The following CLASP1 variants were observed in gnomAD, a reference collection of about 807,000 sequenced individuals.
CLASP1 encodes cytoplasmic linker associated protein 1.
A neutral mutation model predicts 192.3 loss-of-function variants in CLASP1; 38 were observed. The ratio of observed to expected loss-of-function variants is 0.20; its 90% confidence interval spans 0.15 to 0.26. The LOEUF is 0.26. Ranked by LOEUF, CLASP1 falls within the 10% of genes least tolerant of loss-of-function variation. The probability of loss-of-function intolerance (pLI) is 1.00; values close to 1 mark genes in which losing one functional copy is unlikely to be tolerated. For synonymous variants in CLASP1, 691 were observed against 712.8 expected, an observed-to-expected ratio of 0.97 and a Z score of 0.49; for missense variants, 1,433 against 1,932.5, an observed-to-expected ratio of 0.74 and a Z score of 4.85.
chr2:121,355,149 A>ATTATT (rs1368358282), intron 37 of CLASP1, among the ~76,000 whole-genome samples: 2 of 152,056 alleles, frequency 1.3e-5, no homozygotes, highest in South Asian at 2.1e-4. Flanking sequence ...AAATGTATCT[A>ATTATT]TTATTTTATT....
At chr2:121,608,677 G>A (rs1018941613) in intron 1 of CLASP1, among the ~76,000 whole-genome samples, 1 of 152,084 alleles carries the variant, frequency 6.6e-6, no homozygotes. Context: ...CCAAACCACA[G>A]AATTATGAGA....
chr2:121,498,197 G>GTTTTTTTTTT (rs2093609608), intron 8 of CLASP1, among the ~76,000 whole-genome samples: 1 of 114,588 alleles, frequency 8.7e-6, no homozygotes, highest in South Asian at 2.9e-4. Context: ...ATAGGTAATA[G>GTTTTTTTTTT]TTTCTTTTTT....
chr2:121,628,040 C>T (rs1027654847), intron 1 of CLASP1, among the ~76,000 whole-genome samples: 2 of 152,182 alleles, frequency 1.3e-5, no homozygotes, highest in Admixed American at 1.3e-4. Context: ...CACTTTAAGT[C>T]TGTACTTTAC....
chr2:121,418,932 G>A (rs903056780), intron 22 of CLASP1, among the ~76,000 whole-genome samples: 3 of 152,104 alleles, frequency 2.0e-5, no homozygotes, highest in Non-Finnish European at 4.4e-5. Flanking sequence ...ATGTGATTAT[G>A]CTCAATACCT....
At chr2:121,440,321 G>C (rs138618653) in intron 19 of CLASP1, among the ~76,000 whole-genome samples, 1,765 of 152,166 alleles carry the variant, frequency 0.012, 36 homozygotes, top group African/African-American at 0.039. Context: ...TATTGATTTG[G>C]CAATATTACT....
intron 2 of CLASP1, chr2:121,531,136 C>T (rs372129516): frequency 3.6e-5 from 22 of 618,148 alleles, no homozygotes; most frequent in Middle Eastern, 4.3e-4. Context: ...AAAGTTCTTT[C>T]AGTTTTTGCG....
At chr2:121,588,615 G>A (rs962561577) in intron 2 of CLASP1, among the ~76,000 whole-genome samples, 37 of 152,168 alleles carry the variant, frequency 2.4e-4, no homozygotes, top group African/African-American at 8.4e-4. Context: ...CATGAAGTAT[G>A]CAGTAGTCTC....
chr2:121,453,883 C>T (rs140797795), intron 14 of CLASP1, among the ~76,000 whole-genome samples: 1 of 152,332 alleles, frequency 6.6e-6, no homozygotes, highest in African/African-American at 2.4e-5. Context: ...CTTGCTTACA[C>T]TGCTCTCTTA....
intron 14 of CLASP1, among the ~76,000 whole-genome samples, chr2:121,453,729 C>T (rs188021686): frequency 1.4e-4 from 21 of 152,352 alleles, no homozygotes; most frequent in Middle Eastern, 6.8e-3. Context: ...GGGAAAACAT[C>T]AGCAAGCTTT....
At chr2:121,530,583 G>C (rs1367988907) in intron 2 of CLASP1, 1 of 532,848 alleles carries the variant, frequency 1.9e-6, no homozygotes, top group African/African-American at 1.9e-5. Flanking sequence ...ACCCGGGTTA[G>C]CTGCGGGTGG....
chr2:121,455,446 T>C (rs1281682930), intron 14 of CLASP1, among the ~76,000 whole-genome samples: 1 of 152,202 alleles, frequency 6.6e-6, no homozygotes, highest in Non-Finnish European at 1.5e-5. Context: ...GTAGCATATA[T>C]ATACAACAGA....
chr2:121,456,861 C>T (rs2086774343), intron 14 of CLASP1, among the ~76,000 whole-genome samples: 1 of 152,078 alleles, frequency 6.6e-6, no homozygotes, highest in Non-Finnish European at 1.5e-5. Context: ...CAAGAGGTTG[C>T]CCAAGCCTGC....
chr2:121,500,411 AAG>A (rs1203962099), intron 8 of CLASP1, among the ~76,000 whole-genome samples: 21 of 151,594 alleles, frequency 1.4e-4, no homozygotes, highest in African/African-American at 3.9e-4. Context: ...GAAAGAAAGA[AAG>A]AAAAAAAAGA....
chr2:121,594,495 C>T (rs2062877468), intron 2 of CLASP1, among the ~76,000 whole-genome samples: 1 of 151,160 alleles, frequency 6.6e-6, no homozygotes, highest in Non-Finnish European at 1.5e-5. Flanking sequence ...CGGGTTCACA[C>T]CATTCTCCTG....
At chr2:121,401,101 T>C (rs2076100354) in intron 28 of CLASP1, among the ~76,000 whole-genome samples, 1 of 152,234 alleles carries the variant, frequency 6.6e-6, no homozygotes, top group Non-Finnish European at 1.5e-5. Flanking sequence ...AGAATTTTCC[T>C]GGACCAATGG....
At chr2:121,615,990 T>C (rs1172475123) in intron 1 of CLASP1, among the ~76,000 whole-genome samples, 2 of 152,062 alleles carry the variant, frequency 1.3e-5, no homozygotes, top group African/African-American at 4.8e-5. Context: ...AACATGAAAA[T>C]GTTTCAGCTA....
intron 2 of CLASP1, 91 bp downstream of exon 2, chr2:121,605,610 G>T: frequency 1.2e-6 from 1 of 856,062 alleles, no homozygotes; most frequent in South Asian, 1.6e-5. Context: ...GAAGCATGCT[G>T]ACTGCTCACA....
intron 8 of CLASP1, among the ~76,000 whole-genome samples, chr2:121,497,126 C>T (rs1159638837): frequency 6.6e-6 from 1 of 152,080 alleles, no homozygotes; most frequent in African/African-American, 2.4e-5. Flanking sequence ...TTTATTACCA[C>T]TGAACTGTAC....
At chr2:121,525,677 T>A (rs2094557798) in intron 6 of CLASP1, among the ~76,000 whole-genome samples, 168 bp downstream of exon 6, 1 of 152,174 alleles carries the variant, frequency 6.6e-6, no homozygotes, top group African/African-American at 2.4e-5. Flanking sequence ...ATTTTATACA[T>A]TTGAATGTAT....
Sources: gnomAD v4.1 joint callset for allele counts (sites outside exome capture counted in the v4.1 genomes callset) on GRCh38, gnomAD v4.1.1 for gene constraint, MANE v1.5 for transcripts, NCBI Gene and HGNC (gene_info 2026-07-23, HGNC 2026-07-21) for gene names.